CSMD1: variants seen among roughly 807,000 people sequenced by gnomAD.
The protein encoded by CSMD1 is CUB and sushi domain-containing protein 1.
A neutral mutation model predicts 417.5 loss-of-function variants in CSMD1; 213 were observed. The observed-to-expected ratio is 0.51, with a 90% CI of 0.46 to 0.57. The LOEUF is 0.57. Ranked by LOEUF, CSMD1 falls within the 20% of genes least tolerant of loss-of-function variation. The pLI is 0.00. For missense variants in CSMD1, 6,923 were observed against 4,529.7 expected, an observed-to-expected ratio of 1.53 and a Z score of -15.17; for synonymous variants, 2,862 against 1,736.8, an observed-to-expected ratio of 1.65 and a Z score of -16.11.
At chr8:4,410,954 G>A (rs916407912) in intron 3 of CSMD1, among the ~76,000 whole-genome samples, 1 of 152,108 alleles carries the variant, frequency 6.6e-6, no homozygotes, top group Non-Finnish European at 1.5e-5. Context: ...GTGGGACTAG[G>A]TTAGTTATTG....
At chr8:4,126,355 C>G (rs539732119) in intron 3 of CSMD1, among the ~76,000 whole-genome samples, 3 of 152,314 alleles carry the variant, frequency 2.0e-5, no homozygotes, top group African/African-American at 4.8e-5. Flanking sequence ...TGCATGGTTA[C>G]GAGACCTGTC....
intron 3 of CSMD1, among the ~76,000 whole-genome samples, chr8:4,131,414 C>CTTA (rs1390534121): frequency 4.6e-5 from 7 of 152,174 alleles, no homozygotes; most frequent in African/African-American, 1.7e-4. Flanking sequence ...CTATTTGTAC[C>CTTA]ACCTCTCTCT....
chr8:3,080,878 C>T (rs1238932468), intron 49 of CSMD1, among the ~76,000 whole-genome samples: 1 of 152,022 alleles, frequency 6.6e-6, no homozygotes. Context: ...ATGTATCCTC[C>T]AATTTCAAAT....
chr8:4,762,452 C>G (rs1466264874), intron 1 of CSMD1, among the ~76,000 whole-genome samples: 1 of 152,062 alleles, frequency 6.6e-6, no homozygotes, highest in Admixed American at 6.6e-5. Flanking sequence ...TCTCAAGCAT[C>G]TCAGTTATTT....
chr8:3,415,027 T>A (rs1446433979), intron 12 of CSMD1, among the ~76,000 whole-genome samples: 1 of 152,222 alleles, frequency 6.6e-6, no homozygotes, highest in African/African-American at 2.4e-5. Flanking sequence ...TAGCACCTGT[T>A]CAGAGTCAAC....
intron 7 of CSMD1, among the ~76,000 whole-genome samples, chr8:3,670,145 G>A (rs1798911718): frequency 6.6e-6 from 1 of 152,036 alleles, no homozygotes. Context: ...TGCCAAAGGA[G>A]ATTAATATTT....
chr8:4,955,775 G>A (rs1223707556), intron 1 of CSMD1, among the ~76,000 whole-genome samples: 11 of 151,758 alleles, frequency 7.2e-5, no homozygotes, highest in Non-Finnish European at 1.6e-4. Context: ...CAAACTGCAT[G>A]TTAGGTGGTG....
chr8:3,598,952 G>T (rs1395156716), intron 8 of CSMD1, among the ~76,000 whole-genome samples: 2 of 152,098 alleles, frequency 1.3e-5, no homozygotes, highest in Non-Finnish European at 2.9e-5. Context: ...ATGGTGGAGT[G>T]CACCTGTAAT....
intron 65 of CSMD1, among the ~76,000 whole-genome samples, chr8:2,953,721 C>T (rs980517603): frequency 1.1e-4 from 17 of 152,112 alleles, no homozygotes; most frequent in African/African-American, 4.1e-4. Context: ...GCAAAAGGTG[C>T]CACATACAAC....
At chr8:4,433,593 A>C (rs1442739982) in intron 2 of CSMD1, among the ~76,000 whole-genome samples, 1 of 152,176 alleles carries the variant, frequency 6.6e-6, no homozygotes, top group Non-Finnish European at 1.5e-5. Flanking sequence ...AGCGCCCTTA[A>C]AATGGGAAAC....
intron 3 of CSMD1, among the ~76,000 whole-genome samples, chr8:4,396,877 G>A (rs571071649): frequency 2.0e-5 from 3 of 152,018 alleles, no homozygotes; most frequent in Admixed American, 2.0e-4. Flanking sequence ...TCAGGACTAG[G>A]GGGAAAGGGT....
intron 6 of CSMD1, among the ~76,000 whole-genome samples, chr8:3,725,969 G>C (rs528466141): frequency 6.6e-6 from 1 of 152,234 alleles, no homozygotes; most frequent in East Asian, 1.9e-4. Flanking sequence ...AAAAACAGTG[G>C]AAGTAATTGT....
At chr8:3,987,640 T>C in intron 5 of CSMD1, among the ~76,000 whole-genome samples, 1 of 152,316 alleles carries the variant, frequency 6.6e-6, no homozygotes, top group East Asian at 1.9e-4. Flanking sequence ...AGTAGGGCTT[T>C]GCTGATAAAG....
intron 3 of CSMD1, among the ~76,000 whole-genome samples, chr8:4,153,814 A>G (rs1796690829): frequency 6.6e-6 from 1 of 152,244 alleles, no homozygotes; most frequent in Non-Finnish European, 1.5e-5. Flanking sequence ...TGTCTGAAAC[A>G]AAAAATGACG....
chr8:4,888,666 C>G (rs1031780541), intron 1 of CSMD1, among the ~76,000 whole-genome samples: 1 of 152,050 alleles, frequency 6.6e-6, no homozygotes, highest in East Asian at 1.9e-4. Context: ...CATTTGCCAA[C>G]AAAAGAAACC....
chr8:3,766,140 C>A (rs1584963825), intron 5 of CSMD1, among the ~76,000 whole-genome samples: 1 of 152,126 alleles, frequency 6.6e-6, no homozygotes, highest in Non-Finnish European at 1.5e-5. Flanking sequence ...GCCCTGATGG[C>A]ATTTCTCTGT....
Position 4,008,021 on chromosome 8 carries a change from G to C in CSMD1, c.611-9911C>G, listed in dbSNP as rs79160609. Among the ~76,000 whole-genome samples the C allele has an allele frequency of 3.4e-3, 512 of 152,234 alleles. 1 individual carries two copies. The highest frequency in any genetic ancestry group is 0.012 in the African/African-American group (498 of 41,540). Reference sequence around the variant, plus strand: ...GTAGCAATCCATAAGAGGTTTATTTGTGTGTTTTTGCTTTGCTTGTTTTCA... The same window carrying C: ...GTAGCAATCCATAAGAGGTTTATTTCTGTGTTTTTGCTTTGCTTGTTTTCA... On this transcript the variant is annotated intron_variant, in intron 4 of 69. Transcript: ENST00000635120.
At chr8:3,710,038 C>T (rs1024770910) in intron 6 of CSMD1, among the ~76,000 whole-genome samples, 7 of 151,970 alleles carry the variant, frequency 4.6e-5, no homozygotes, top group African/African-American at 1.7e-4. Flanking sequence ...CACTCTTGAC[C>T]AGATGCCTTA....
At chr8:4,408,908 A>G (rs7831858) in intron 3 of CSMD1, among the ~76,000 whole-genome samples, 1 of 152,214 alleles carries the variant, frequency 6.6e-6, no homozygotes, top group Admixed American at 6.5e-5. Flanking sequence ...CATCAACTTT[A>G]GGTAGCAAGA....
Sources: gnomAD v4.1 joint callset for allele counts (sites outside exome capture counted in the v4.1 genomes callset) on GRCh38, gnomAD v4.1.1 for gene constraint, MANE v1.5 for transcripts, NCBI Gene and HGNC (gene_info 2026-07-23, HGNC 2026-07-21) for gene names.